The following MYO10 variants were observed in gnomAD, a reference collection of about 807,000 sequenced individuals.
MYO10 encodes myosin X.
A neutral mutation model predicts 257.3 loss-of-function variants in MYO10; 133 were observed. That is an observed-to-expected ratio of 0.52 (90% CI 0.45 to 0.60). The LOEUF (loss-of-function observed/expected upper bound fraction) is 0.60. Among genes scored for constraint, MYO10 ranks in the 20% least tolerant of loss-of-function variants. The probability of loss-of-function intolerance (pLI) is 0.00; values close to 1 mark genes in which losing one functional copy is unlikely to be tolerated. For missense variants in MYO10, 2,399 were observed against 2,635.7 expected, an observed-to-expected ratio of 0.91 and a Z score of 1.97; for synonymous variants, 1,104 against 1,028.6, an observed-to-expected ratio of 1.07 and a Z score of -1.40.
At position 16,672,839 on chromosome 5, in the gene MYO10, CA is replaced by C; in HGVS notation, c.5173-15del. ...CTTCTCCACCACCTGGAAGACACACCAGGGGGACTTCAGTTCCACAGGCTGC... is the reference window on the plus strand; with the variant it reads ...CTTCTCCACCACCTGGAAGACACACCGGGGGACTTCAGTTCCACAGGCTGC... On this transcript the variant is annotated splice_polypyrimidine_tract_variant and intron_variant, in intron 36 of 40. Coordinates refer to ENST00000513610, the MANE Select transcript of MYO10 (RefSeq NM_012334.3). 6.2e-7 allele frequency: 1 copy of C among 1,610,936 alleles called. No homozygotes were observed.
chr5:16,808,790 G>A (rs572338812), intron 3 of MYO10, among the ~76,000 whole-genome samples: 1 of 152,220 alleles, frequency 6.6e-6, no homozygotes, highest in African/African-American at 2.4e-5. Context: ...TCCTGCCTCA[G>A]CCTCCCAAGT....
chr5:16,878,984 T>G (rs1744687003), intron 1 of MYO10, among the ~76,000 whole-genome samples: 1 of 150,230 alleles, frequency 6.7e-6, no homozygotes, highest in Non-Finnish European at 1.5e-5. Flanking sequence ...CTAATGAAAT[T>G]TAAAAAAAAA....
chr5:16,842,593 T>C (rs1012829127), intron 2 of MYO10, among the ~76,000 whole-genome samples: 1 of 152,086 alleles, frequency 6.6e-6, no homozygotes, highest in African/African-American at 2.4e-5. Flanking sequence ...CTTCCCTCGC[T>C]CACAAAGCTG....
rs1325296965 is a variant in MYO10, at chr5:16,803,118, TA to T, written c.280-8286del. ...GAAACCTTGTCTCTTTAAAAAAATT[TA>T]AAAAAAAAATTAAATTTAAAAAAAG... On this transcript the variant is annotated intron_variant, in intron 3 of 40. Transcript: ENST00000513610. Among the ~76,000 whole-genome samples, 6 of 149,726 alleles carry T rather than the reference TA, an allele frequency of 4.0e-5. No individual in the cohort carries two copies. In the South Asian group the frequency reaches 6.3e-4, roughly 16 times the overall value.
At chr5:16,742,061 C>T (rs975385992) in intron 19 of MYO10, 6 of 985,276 alleles carry the variant, frequency 6.1e-6, no homozygotes, top group East Asian at 1.1e-4. Flanking sequence ...GCAAACTAAC[C>T]ATCATGCACG....
At chr5:16,916,472 G>C (rs1026203179) in intron 1 of MYO10, 2 of 175,840 alleles carry the variant, frequency 1.1e-5, no homozygotes, top group Non-Finnish European at 2.4e-5. Flanking sequence ...CTCTTGCTAG[G>C]AAGGGAAAAG....
chr5:16,845,905 A>G lies in MYO10; in HGVS notation c.121-27738T>C, dbSNP rs182585194. Among the ~76,000 whole-genome samples, 254 of 151,730 alleles carry G rather than the reference A, an allele frequency of 1.7e-3. 3 individuals carry two copies. The highest frequency in any genetic ancestry group is 6.0e-3 in the African/African-American group (246 of 41,306). ...CTTGAAACCAGGAGGCAGAGGTTGC[A>G]GTGAGCCGAGATCACACCACTGCAT... On this transcript the variant is annotated intron_variant, in intron 2 of 40. Coordinates refer to ENST00000513610, the MANE Select transcript of MYO10 (RefSeq NM_012334.3).
chr5:16,865,291 C>A (rs557703917), intron 2 of MYO10, among the ~76,000 whole-genome samples: 31 of 152,106 alleles, frequency 2.0e-4, no homozygotes, highest in Admixed American at 3.3e-4. Context: ...ACCCTTCACC[C>A]GCATGCAGGG....
At chr5:16,758,422 T>G (rs930176705) in intron 17 of MYO10, among the ~76,000 whole-genome samples, 196 bp from the exon 18 acceptor site, 1 of 152,194 alleles carries the variant, frequency 6.6e-6, no homozygotes, top group African/African-American at 2.4e-5. Flanking sequence ...CACGTGGCAG[T>G]GTCAGAGACC....
intron 2 of MYO10, among the ~76,000 whole-genome samples, chr5:16,829,731 C>A (rs763588347): frequency 6.6e-6 from 1 of 152,160 alleles, no homozygotes; most frequent in Non-Finnish European, 1.5e-5. Flanking sequence ...AGATGCCACA[C>A]AACAAGCAGT....
intron 1 of MYO10, among the ~76,000 whole-genome samples, chr5:16,899,612 G>A (rs1485592488): frequency 7.2e-6 from 1 of 138,232 alleles, no homozygotes; most frequent in East Asian, 2.1e-4. Context: ...TGGGCAACAA[G>A]AGCAAAACTC....
chr5:16,901,070 G>A (rs1174064577), intron 1 of MYO10, among the ~76,000 whole-genome samples: 6 of 152,024 alleles, frequency 3.9e-5, no homozygotes, highest in Admixed American at 1.3e-4. Flanking sequence ...AAATTCCTCC[G>A]GAGCAGCCTG....
At chr5:16,882,210 G>GT (rs1744772383) in intron 1 of MYO10, among the ~76,000 whole-genome samples, 1 of 152,120 alleles carries the variant, frequency 6.6e-6, no homozygotes, top group Non-Finnish European at 1.5e-5. Flanking sequence ...TTCTTCAAAC[G>GT]TAAGGTTCAC....
chr5:16,898,037 G>T (rs981032886), intron 1 of MYO10, among the ~76,000 whole-genome samples: 9 of 152,120 alleles, frequency 5.9e-5, no homozygotes, highest in African/African-American at 1.9e-4. Flanking sequence ...ACCCCAGGCT[G>T]GGAGATAAGC....
intron 2 of MYO10, among the ~76,000 whole-genome samples, chr5:16,826,646 G>A (rs74315942): frequency 0.012 from 1,893 of 152,310 alleles, 28 homozygotes; most frequent in Non-Finnish European, 0.019. Flanking sequence ...AACCTTGCCT[G>A]TAAGCTCTCT....
At chr5:16,752,152 C>T (rs1338817636) in intron 19 of MYO10, among the ~76,000 whole-genome samples, 1 of 152,086 alleles carries the variant, frequency 6.6e-6, no homozygotes, top group Admixed American at 6.6e-5. Flanking sequence ...TATAGCACTG[C>T]CAGGGCAGGA....
chr5:16,907,101 G>A (rs1254132504), intron 1 of MYO10, among the ~76,000 whole-genome samples: 3 of 151,956 alleles, frequency 2.0e-5, no homozygotes, highest in Admixed American at 6.6e-5. Context: ...GCGACAGAAT[G>A]AGACTCCATC....
intron 19 of MYO10, 53 bp downstream of exon 19, chr5:16,754,775 G>T: frequency 7.3e-7 from 1 of 1,363,808 alleles, no homozygotes; most frequent in South Asian, 1.4e-5. Context: ...AACCACCCCA[G>T]GAGGCTGTGT....
chr5:16,923,684 ACACACACACACT>A lies in MYO10; in HGVS notation c.21+12092_21+12103del, dbSNP rs1240286424. 4.0e-5 allele frequency among the ~76,000 whole-genome samples: 6 copies of A among 151,292 alleles called. No individual in the cohort carries two copies. In the South Asian group the frequency reaches 8.4e-4, roughly 21 times the overall value. On this transcript the variant is annotated intron_variant, in intron 1 of 40. Coordinates refer to ENST00000513610, the MANE Select transcript of MYO10 (RefSeq NM_012334.3). ...CCCATACACACACACACACACACACACACACACACACTCCCTAACATCCTGGCCACCTAACAT... is the reference window on the plus strand; with the variant it reads ...CCCATACACACACACACACACACACACCCTAACATCCTGGCCACCTAACAT...
Sources: allele counts gnomAD v4.1 joint callset (sites outside exome capture counted in the v4.1 genomes callset), GRCh38; gene constraint gnomAD v4.1.1; transcripts MANE v1.5; gene names NCBI Gene and HGNC (gene_info 2026-07-23, HGNC 2026-07-21).